The following RBFOX1 variants were observed in gnomAD, a reference collection of about 807,000 sequenced individuals.
RBFOX1 encodes the protein RNA binding protein fox-1 homolog 1.
RBFOX1 carries 8 observed loss-of-function variants against 57.7 expected under a neutral mutation model. The ratio of observed to expected loss-of-function variants is 0.14; its 90% CI spans 0.08 to 0.25. The LOEUF (loss-of-function observed/expected upper bound fraction) is 0.25, where lower values mean the gene tolerates loss of function less well. RBFOX1 is among the 10% of genes least tolerant of loss of function. The pLI is 1.00. For synonymous variants in RBFOX1, 326 were observed against 222.4 expected (o/e 1.47, Z -4.15); for missense variants, 611 against 548.5 (o/e 1.11, Z -1.14).
intron 12 of RBFOX1, among the ~76,000 whole-genome samples, chr16:7,663,319 G>A (rs778724758): frequency 3.3e-5 from 5 of 152,140 alleles, no homozygotes; most frequent in African/African-American, 7.2e-5. Context: ...TAGCCCTCCC[G>A]GATCAAATAT....
intron 1 of RBFOX1, among the ~76,000 whole-genome samples, chr16:5,376,549 A>G (rs2065988517): frequency 6.6e-6 from 1 of 152,124 alleles, no homozygotes; most frequent in South Asian, 2.1e-4. Flanking sequence ...CAGAGGAGGC[A>G]GTTGATGAAG....
At chr16:6,146,943 C>G (rs2096762953) in intron 1 of RBFOX1, among the ~76,000 whole-genome samples, 1 of 152,130 alleles carries the variant, frequency 6.6e-6, no homozygotes, top group Non-Finnish European at 1.5e-5. Flanking sequence ...TCATGTTTAT[C>G]TCGCCACAAC....
intron 2 of RBFOX1, among the ~76,000 whole-genome samples, chr16:6,491,316 C>T (rs576514169): frequency 8.6e-5 from 13 of 151,900 alleles, no homozygotes; most frequent in Admixed American, 2.6e-4. Context: ...GGAATACTTC[C>T]GCATCTTAAG....
intron 10 of RBFOX1, among the ~76,000 whole-genome samples, chr16:7,610,961 G>C (rs2057360064): frequency 8.2e-6 from 1 of 122,586 alleles, no homozygotes; most frequent in Non-Finnish European, 2.0e-5. Flanking sequence ...CCTCAAAGCT[G>C]AAATGAAGAC....
At chr16:6,547,454 T>C (rs941979452) in intron 2 of RBFOX1, among the ~76,000 whole-genome samples, 1 of 152,228 alleles carries the variant, frequency 6.6e-6, no homozygotes, top group Non-Finnish European at 1.5e-5. Context: ...CCATCTTCCA[T>C]AGTAACTAGA....
chr16:5,756,640 C>T (rs2053406885), intron 3 of RBFOX1, among the ~76,000 whole-genome samples: 1 of 152,156 alleles, frequency 6.6e-6, no homozygotes, highest in African/African-American at 2.4e-5. Flanking sequence ...CTGCTGCCTG[C>T]CTTTCCAGCC....
chr16:5,640,643 A>T (rs1205991409), intron 3 of RBFOX1, among the ~76,000 whole-genome samples: 1 of 151,906 alleles, frequency 6.6e-6, no homozygotes, highest in Non-Finnish European at 1.5e-5. Context: ...ACACACAAAC[A>T]CATGCACAGC....
At chr16:5,289,357 G>T in intron 1 of RBFOX1, 1 of 398,918 alleles carries the variant, frequency 2.5e-6, no homozygotes. Context: ...AGGAGGAGGA[G>T]GGCCCATCAT....
At chr16:6,481,971 T>C (rs2095377921) in intron 2 of RBFOX1, among the ~76,000 whole-genome samples, 1 of 152,194 alleles carries the variant, frequency 6.6e-6, no homozygotes, top group South Asian at 2.1e-4. Context: ...AGATGGATGA[T>C]GGTTACATAA....
intron 2 of RBFOX1, among the ~76,000 whole-genome samples, chr16:6,546,527 G>C (rs1036208747): frequency 3.3e-5 from 5 of 152,178 alleles, no homozygotes; most frequent in African/African-American, 1.2e-4. Context: ...CAGCTCCATA[G>C]CACCTCTGTC....
intron 2 of RBFOX1, among the ~76,000 whole-genome samples, chr16:6,422,420 C>G (rs1355310396): frequency 6.6e-6 from 1 of 151,968 alleles, no homozygotes; most frequent in African/African-American, 2.4e-5. Flanking sequence ...TCCAGTGGCC[C>G]CCTTGTCTAT....
At chr16:6,224,738 T>C (rs2097403013) in intron 1 of RBFOX1, among the ~76,000 whole-genome samples, 1 of 152,114 alleles carries the variant, frequency 6.6e-6, no homozygotes, top group Admixed American at 6.6e-5. Flanking sequence ...ATCACTTACT[T>C]GGCCAGGTGC....
intron 3 of RBFOX1, among the ~76,000 whole-genome samples, chr16:5,761,422 TA>T (rs1472359256): frequency 6.6e-6 from 1 of 152,212 alleles, no homozygotes; most frequent in Admixed American, 6.5e-5. Flanking sequence ...CTCTTTCTGC[TA>T]ATAAAGACAT....
At chr16:5,945,874 A>G (rs1567176463) in intron 4 of RBFOX1, among the ~76,000 whole-genome samples, 1 of 152,130 alleles carries the variant, frequency 6.6e-6, no homozygotes, top group African/African-American at 2.4e-5. Context: ...AGTATTTCAA[A>G]GCCCCTCCCA....
intron 14 of RBFOX1, among the ~76,000 whole-genome samples, chr16:7,684,365 G>A (rs563192896): frequency 8.5e-5 from 13 of 152,062 alleles, no homozygotes; most frequent in African/African-American, 2.7e-4. Flanking sequence ...GAGTCTGTGG[G>A]GCAAAAACTA....
At chr16:7,446,431 A>G (rs550133295) in intron 4 of RBFOX1, among the ~76,000 whole-genome samples, 19 of 152,354 alleles carry the variant, frequency 1.2e-4, no homozygotes, top group African/African-American at 3.8e-4. Flanking sequence ...AATTATTTTC[A>G]GCAAGTTCTC....
intron 3 of RBFOX1, among the ~76,000 whole-genome samples, chr16:6,814,628 A>G (rs1603628100): frequency 6.6e-6 from 1 of 152,146 alleles, no homozygotes; most frequent in Non-Finnish European, 1.5e-5. Context: ...GACAGAGCTG[A>G]ATGACAGGTA....
chr16:5,645,023 G>C (rs2151340681), intron 3 of RBFOX1, among the ~76,000 whole-genome samples: 1 of 151,580 alleles, frequency 6.6e-6, no homozygotes, highest in African/African-American at 2.4e-5. Flanking sequence ...ATCACTTGAA[G>C]TCAGGCATTT....
chr16:5,466,044 T>C (rs571493609), intron 1 of RBFOX1, among the ~76,000 whole-genome samples: 2 of 152,294 alleles, frequency 1.3e-5, no homozygotes, highest in South Asian at 2.1e-4. Context: ...GTGGAGTTCA[T>C]GGGGACCCTG....
Sources: allele counts gnomAD v4.1 joint callset (sites outside exome capture counted in the v4.1 genomes callset), GRCh38; gene constraint gnomAD v4.1.1; transcripts MANE v1.5; gene names NCBI Gene and HGNC (gene_info 2026-07-23, HGNC 2026-07-21).